KIAA1958: variants seen among roughly 807,000 people sequenced by gnomAD.
KIAA1958 encodes KIAA1958, also known as uncharacterized protein KIAA1958.
A neutral mutation model predicts 47.2 loss-of-function variants in KIAA1958; 14 were observed. The ratio of observed to expected loss-of-function variants is 0.30; its 90% CI spans 0.20 to 0.46. The LOEUF (loss-of-function observed/expected upper bound fraction) is 0.46, where lower values mean the gene tolerates loss of function less well. KIAA1958 is among the 20% of genes least tolerant of loss of function. The pLI is 1.00. For synonymous variants in KIAA1958, 354 were observed against 353.3 expected (o/e 1.00, Z -0.02); for missense variants, 803 against 909.2 (o/e 0.88, Z 1.50).
At chr9:112,525,983 TCTTCTTCTTCTTCTTC>T (rs1564159522) in intron 1 of KIAA1958, among the ~76,000 whole-genome samples, 5 of 92,336 alleles carry the variant, frequency 5.4e-5, no homozygotes, top group East Asian at 5.9e-4. Context: ...TTCTTCTTCT[TCTTCTTCTTCTTCTTC>T]TTTTTTTTTT....
intron 3 of KIAA1958, among the ~76,000 whole-genome samples, chr9:112,656,923 T>A (rs1837161396): frequency 1.3e-5 from 2 of 152,204 alleles, no homozygotes; most frequent in South Asian, 4.1e-4. Context: ...TCTTTCTTAT[T>A]CCTAATATGA....
chr9:112,640,509 G>A (rs557223980), intron 2 of KIAA1958, among the ~76,000 whole-genome samples: 10 of 152,146 alleles, frequency 6.6e-5, no homozygotes, highest in South Asian at 2.1e-4. Flanking sequence ...CCAGGATCTC[G>A]GTCTCTCAAG....
At chr9:112,539,258 A>C (rs1204604685) in intron 1 of KIAA1958, among the ~76,000 whole-genome samples, 1 of 152,246 alleles carries the variant, frequency 6.6e-6, no homozygotes, top group East Asian at 1.9e-4. Context: ...TTCTCATAGT[A>C]GCATTATTGA....
At chr9:112,521,493 C>A (rs766552658) in intron 1 of KIAA1958, among the ~76,000 whole-genome samples, 3 of 152,044 alleles carry the variant, frequency 2.0e-5, no homozygotes, top group Non-Finnish European at 2.9e-5. Context: ...GAATTACAGG[C>A]GTGAGCTACC....
chr9:112,618,420 T>G lies in KIAA1958; in HGVS notation c.1172-27230T>G, dbSNP rs979811914. Reference sequence around the variant, plus strand: ...AAATGGGGTGATATCCGGCTCCGGGTAACAGAGACGGGTCTCGAGTACTTG... The same window carrying G: ...AAATGGGGTGATATCCGGCTCCGGGGAACAGAGACGGGTCTCGAGTACTTG... On this transcript the variant is annotated intron_variant, in intron 2 of 3. Transcript: ENST00000337530. The surrounding 1 kb of genome is among the most constrained non-coding windows in gnomAD (Gnocchi z 7.1). 11 of 1,551,136 alleles carry G rather than the reference T, an allele frequency of 7.1e-6. No homozygotes were observed. The Admixed American group carries it at 2.2e-4, about 30-fold the overall frequency.
intron 1 of KIAA1958, among the ~76,000 whole-genome samples, chr9:112,525,775 A>T (rs956207580): frequency 1.3e-5 from 2 of 151,506 alleles, no homozygotes; most frequent in Admixed American, 1.3e-4. Flanking sequence ...TTGCATACTT[A>T]TTACATTGCA....
chr9:112,590,894 TC>T, intron 2 of KIAA1958, among the ~76,000 whole-genome samples: 1 of 152,198 alleles, frequency 6.6e-6, no homozygotes, highest in Non-Finnish European at 1.5e-5. Flanking sequence ...TAATTATAAT[TC>T]ACCTTACTGT....
At chr9:112,634,553 CTA>C (rs1836769361) in intron 2 of KIAA1958, among the ~76,000 whole-genome samples, 1 of 152,106 alleles carries the variant, frequency 6.6e-6, no homozygotes, top group African/African-American at 2.4e-5. Context: ...TTTAATTGGA[CTA>C]TCTCCCTTCT....
intron 1 of KIAA1958, among the ~76,000 whole-genome samples, chr9:112,564,799 A>T (rs1256359861): frequency 2.0e-5 from 3 of 152,228 alleles, no homozygotes; most frequent in African/African-American, 7.2e-5. Flanking sequence ...CAGACTTGAG[A>T]CAGTATCTTC....
In KIAA1958 at chr9:112,610,706, G is replaced by A. The variant is rs187710833; in HGVS notation, c.1172-34944G>A. On this transcript the variant is annotated intron_variant, in intron 2 of 3. Coordinates refer to ENST00000337530, the MANE Select transcript of KIAA1958 (RefSeq NM_133465.4). ...GCATCAGACCTAGATGGTTCCACAC[G>A]TGAATTCTACCAGAATTTCAAGTAT... Among the ~76,000 whole-genome samples, 5 of 152,226 alleles carry A rather than the reference G, an allele frequency of 3.3e-5. No homozygotes were observed. The East Asian group carries it at 5.8e-4, about 18-fold the overall frequency.
intron 1 of KIAA1958, among the ~76,000 whole-genome samples, chr9:112,556,111 A>G (rs556285188): frequency 6.6e-6 from 1 of 152,318 alleles, no homozygotes; most frequent in African/African-American, 2.4e-5. Context: ...TAAAACCGCA[A>G]TGGGGATTAG....
intron 1 of KIAA1958, among the ~76,000 whole-genome samples, chr9:112,524,356 T>C (rs1348627152): frequency 1.3e-5 from 2 of 152,250 alleles, no homozygotes; most frequent in Non-Finnish European, 2.9e-5. Context: ...TTTGGCGTGC[T>C]CCGCGCTTGA....
At chr9:112,655,071 G>T (rs1191921653) in intron 3 of KIAA1958, among the ~76,000 whole-genome samples, 2 of 152,016 alleles carry the variant, frequency 1.3e-5, no homozygotes, top group Non-Finnish European at 2.9e-5. Context: ...TTTTCATTTG[G>T]GTACAGTTTT....
At chr9:112,604,237 A>G (rs1836186420) in intron 2 of KIAA1958, among the ~76,000 whole-genome samples, 1 of 152,178 alleles carries the variant, frequency 6.6e-6, no homozygotes, top group Admixed American at 6.5e-5. Flanking sequence ...TGGGGCATGG[A>G]GACTATGTAA....
Position 112,669,222 on chromosome 9 carries a change from T to A in KIAA1958, c.*9153T>A, listed in dbSNP as rs1054086094. 2.0e-5 allele frequency: 3 copies of A among 152,042 alleles called. No homozygotes were observed. The highest frequency in any genetic ancestry group is 2.9e-5 in the Non-Finnish European group (2 of 68,012). The allele number at this position is 152,042 out of a possible 1,614,324, so 9.4% of individuals were successfully genotyped here. On this transcript the variant is annotated 3_prime_UTR_variant, in exon 4 of 4. Transcript: ENST00000337530. Reference sequence around the variant, plus strand: ...CTAGAGTGTCAGCGTTGGAAGGGATTTTTTTTTGTTCCTCCAGTCCGGCCC... The same window carrying A: ...CTAGAGTGTCAGCGTTGGAAGGGATATTTTTTTGTTCCTCCAGTCCGGCCC...
chr9:112,592,159 G>A (rs1165733555), intron 2 of KIAA1958, among the ~76,000 whole-genome samples: 1 of 152,198 alleles, frequency 6.6e-6, no homozygotes, highest in African/African-American at 2.4e-5. Flanking sequence ...TGAGGGTGGA[G>A]TAGGTAATCG....
intron 2 of KIAA1958, among the ~76,000 whole-genome samples, chr9:112,606,277 T>G (rs1049129868): frequency 6.6e-5 from 10 of 152,178 alleles, no homozygotes; most frequent in African/African-American, 1.9e-4. Flanking sequence ...GATTAGGCTT[T>G]TGGGTACATA....
chr9:112,502,898 G>T (rs1834168058), intron 1 of KIAA1958, among the ~76,000 whole-genome samples: 1 of 152,178 alleles, frequency 6.6e-6, no homozygotes, highest in Non-Finnish European at 1.5e-5. Flanking sequence ...GGAATTATTG[G>T]CTAAATCCTT....
At chr9:112,604,744 C>T (rs1036633601) in intron 2 of KIAA1958, among the ~76,000 whole-genome samples, 1 of 152,034 alleles carries the variant, frequency 6.6e-6, no homozygotes, top group Admixed American at 6.6e-5. Flanking sequence ...TCTTATCATA[C>T]TCAAGTGAAA....
Sources: allele counts gnomAD v4.1 joint callset (sites outside exome capture counted in the v4.1 genomes callset), GRCh38; gene constraint gnomAD v4.1.1; non-coding constraint Gnocchi (gnomAD v3.1); transcripts MANE v1.5; gene names NCBI Gene and HGNC (gene_info 2026-07-23, HGNC 2026-07-21).